Variants in LRRC49 observed in about 807,000 individuals in gnomAD.
LRRC49 encodes the protein leucine-rich repeat-containing protein 49.
Under a neutral mutation model 83.3 loss-of-function variants are expected in LRRC49, and 50 were observed. The observed-to-expected ratio is 0.60, with a 90% confidence interval of 0.48 to 0.76. The LOEUF (loss-of-function observed/expected upper bound fraction) is 0.76. LRRC49 is among the 30% of genes least tolerant of loss of function. The pLI, the probability that LRRC49 is intolerant of heterozygous loss-of-function variation, is 0.00. For missense variants in LRRC49, 704 were observed against 809.1 expected, an observed-to-expected ratio of 0.87 and a Z score of 1.58; for synonymous variants, 286 against 283.3, an observed-to-expected ratio of 1.01 and a Z score of -0.10.
At chr15:71,004,820 T>C (rs927041989) in intron 11 of LRRC49, among the ~76,000 whole-genome samples, 1 of 152,100 alleles carries the variant, frequency 6.6e-6, no homozygotes, top group African/African-American at 2.4e-5. Flanking sequence ...CCGCATGCTC[T>C]TATTTATAAG....
In LRRC49 at chr15:70,937,015, G is replaced by T. The variant is rs559627489; in HGVS notation, c.773+193G>T. On this transcript the variant is annotated intron_variant, in intron 8 of 15. Transcript: ENST00000260382. ...TTCTTGCCTGTAATGCTAACATGAT[G>T]AAATTAATATAGCATGTGCTTTTGA... 5.9e-5 allele frequency among the ~76,000 whole-genome samples: 9 copies of T among 152,346 alleles called. No individual in the cohort carries two copies. The East Asian group carries it at 1.7e-3, about 29-fold the overall frequency.
chr15:71,028,923 G>A (rs2039260075), intron 14 of LRRC49, among the ~76,000 whole-genome samples: 1 of 151,808 alleles, frequency 6.6e-6, no homozygotes, highest in Admixed American at 6.6e-5. Context: ...TTTTTTGAAG[G>A]GTTTTTCATG....
chr15:70,988,463 G>T (rs984172519), intron 11 of LRRC49, among the ~76,000 whole-genome samples: 15 of 151,864 alleles, frequency 9.9e-5, no homozygotes, highest in African/African-American at 3.4e-4. Context: ...TGCAACCCCT[G>T]CCTTTTTTTG....
intron 8 of LRRC49, among the ~76,000 whole-genome samples, chr15:70,948,064 C>T (rs1249275615): frequency 6.6e-6 from 1 of 152,036 alleles, no homozygotes; most frequent in African/African-American, 2.4e-5. Context: ...CTAGCTAACT[C>T]CTTTACTTTG....
At position 70,979,979 on chromosome 15, in the gene LRRC49, A is replaced by G. The variant is rs184408635; in HGVS notation, c.922-122A>G. On this transcript the variant is annotated intron_variant, in intron 9 of 15. Coordinates refer to ENST00000260382, the MANE Select transcript of LRRC49 (RefSeq NM_017691.5). ...ACATACTAAATTTTTCTTTGAGAGTATATTTTCTGCTAGTAAATACTATGC... is the reference window on the plus strand; with the variant it reads ...ACATACTAAATTTTTCTTTGAGAGTGTATTTTCTGCTAGTAAATACTATGC... The G allele has an allele frequency of 4.8e-5, 27 of 557,730 alleles. No homozygotes were observed. In the East Asian group the frequency reaches 8.0e-4, roughly 17 times the overall value. 34.5% of individuals were successfully genotyped at this position (557,730 alleles called of 1,614,324 possible).
chr15:70,934,785 T>C (rs1270056852), intron 7 of LRRC49, among the ~76,000 whole-genome samples: 1 of 152,190 alleles, frequency 6.6e-6, no homozygotes, highest in Non-Finnish European at 1.5e-5. Flanking sequence ...AATGTATTTT[T>C]AAAGGCTGCT....
At chr15:70,963,389 C>T (rs1306566844) in intron 8 of LRRC49, among the ~76,000 whole-genome samples, 4 of 151,806 alleles carry the variant, frequency 2.6e-5, no homozygotes, top group Admixed American at 1.3e-4. Context: ...GAGTATTCCT[C>T]GAAACTGTCA....
chr15:70,917,215 C>T (rs372815084), intron 6 of LRRC49, among the ~76,000 whole-genome samples: 11 of 152,292 alleles, frequency 7.2e-5, no homozygotes, highest in African/African-American at 2.6e-4. Context: ...AGCCTGGGCA[C>T]CATGAACAGC....
intron 11 of LRRC49, among the ~76,000 whole-genome samples, chr15:70,990,055 C>G (rs1393335744): frequency 6.6e-6 from 1 of 152,166 alleles, no homozygotes; most frequent in Non-Finnish European, 1.5e-5. Flanking sequence ...GGGGGTGCCT[C>G]CCAGTTAGGC....
At chr15:71,031,492 G>C (rs2141290272) in intron 14 of LRRC49, among the ~76,000 whole-genome samples, 1 of 152,336 alleles carries the variant, frequency 6.6e-6, no homozygotes, top group African/African-American at 2.4e-5. Flanking sequence ...CACTTGAGGA[G>C]GCAGTCTGTC....
chr15:70,989,846 A>G (rs1463028576), intron 11 of LRRC49, among the ~76,000 whole-genome samples: 2 of 152,098 alleles, frequency 1.3e-5, no homozygotes, highest in African/African-American at 2.4e-5. Flanking sequence ...TTTTCCTTCT[A>G]ACAGACAGGA....
chr15:70,891,808 G>A (rs1188313492), upstream of LRRC49: 1 of 1,499,028 alleles, frequency 6.7e-7, no homozygotes, highest in Non-Finnish European at 8.9e-7. Context: ...CCAGAGTCCA[G>A]GGGTCCTTAC....
In LRRC49 at chr15:70,994,288, G is replaced by C. The variant is rs1424615416; in HGVS notation, c.1169+10031G>C. Among the ~76,000 whole-genome samples, 3 of 151,858 alleles carry C rather than the reference G, an allele frequency of 2.0e-5. No homozygotes were observed. The East Asian group carries it at 5.8e-4, about 29-fold the overall frequency. The stretch of plus-strand genomic sequence containing the variant: ...CATCTTTATCTCATGTTAAGATTTT[G>C]TAAATATGTGCACATATTTCTGGAC... On this transcript the variant is annotated intron_variant, in intron 11 of 15. Coordinates refer to ENST00000260382, the MANE Select transcript of LRRC49 (RefSeq NM_017691.5).
chr15:70,949,146 G>C (rs2036119977), intron 8 of LRRC49, among the ~76,000 whole-genome samples: 1 of 152,148 alleles, frequency 6.6e-6, no homozygotes, highest in Non-Finnish European at 1.5e-5. Flanking sequence ...TACAAAAACA[G>C]GTGATAGAGC....
intron 3 of LRRC49, 127 bp from the exon 4 acceptor site, chr15:70,900,795 A>G (rs2034040043): frequency 3.2e-6 from 2 of 633,404 alleles, no homozygotes; most frequent in South Asian, 3.7e-5. Context: ...AAATATGGAG[A>G]GCTATGGAAA....
Position 70,943,101 on chromosome 15 carries a change from T to C in LRRC49, c.773+6279T>C, listed in dbSNP as rs1234355608. Among the ~76,000 whole-genome samples the C allele has an allele frequency of 3.3e-5, 5 of 152,154 alleles. No homozygotes were observed. In the East Asian group the frequency reaches 9.6e-4, roughly 29 times the overall value. ...GCATTGTGGATGTTCTGTTGAGAGA[T>C]TTAAGGATTATTGAGTTTTGTTTTG... On this transcript the variant is annotated intron_variant, in intron 8 of 15. Transcript: ENST00000260382.
chr15:71,024,796 A>G (rs2039108915), intron 14 of LRRC49, among the ~76,000 whole-genome samples: 1 of 151,766 alleles, frequency 6.6e-6, no homozygotes, highest in Non-Finnish European at 1.5e-5. Flanking sequence ...CAAAGAAGCC[A>G]AGAACCATGC....
rs748416668 is a variant in LRRC49 at position 71,009,842 on chromosome 15, G to A, written c.1443G>A (p.Leu481=). The change falls in exon 13 of 16, where the codon CTG becomes CTA. Residue 481 remains leucine (L), a synonymous_variant. Transcript: ENST00000260382. The part of the protein sequence containing the change: ...LKFKETNLVM[L]QQFNALAQLR... The stretch of plus-strand genomic sequence containing the variant: ...TCAAGGAAACAAATCTTGTAATGCT[G>A]CAGCAATTTAACGCACTAGCCCAAC... 13 of 1,611,972 alleles carry A rather than the reference G, an allele frequency of 8.1e-6. No homozygotes were observed. Among genetic ancestry groups the A allele is most frequent in the Non-Finnish European group, 1.1e-5 (13 of 1,178,658 alleles).
chr15:70,998,046 TA>T (rs892660511), intron 11 of LRRC49, among the ~76,000 whole-genome samples: 1 of 152,194 alleles, frequency 6.6e-6, no homozygotes, highest in Non-Finnish European at 1.5e-5. Flanking sequence ...TAGTTAGAAT[TA>T]ATACCAACCT....
Sources: allele counts gnomAD v4.1 joint callset (sites outside exome capture counted in the v4.1 genomes callset), GRCh38; gene constraint gnomAD v4.1.1; transcripts MANE v1.5; gene names NCBI Gene and HGNC (gene_info 2026-07-23, HGNC 2026-07-21).